Variants in CCDC196 observed in about 807,000 individuals in gnomAD.
The protein encoded by CCDC196 is coiled-coil domain containing 196.
At chr14:66,490,126 T>C (rs1390480915) in intron 4 of CCDC196, among the ~76,000 whole-genome samples, 1 of 152,202 alleles carries the variant, frequency 6.6e-6, no homozygotes, top group Non-Finnish European at 1.5e-5. Context: ...TTCCAGAAGT[T>C]TTAGTTCCTG....
chr14:66,496,983 T>A (rs1188322264), intron 8 of CCDC196: 2 of 152,252 alleles, frequency 1.3e-5, no homozygotes, highest in Non-Finnish European at 2.9e-5. Flanking sequence ...CAAGTCATTC[T>A]TCCTGGCTTT....
At chr14:66,492,315 T>A (rs1012009407) in intron 8 of CCDC196, 121 bp downstream of exon 8, 3 of 396,068 alleles carry the variant, frequency 7.6e-6, no homozygotes, top group Non-Finnish European at 1.3e-5. Context: ...ATGTTAGTAG[T>A]ACAGTAATTA....
chr14:66,490,350 T>G (rs889654343), intron 4 of CCDC196, among the ~76,000 whole-genome samples: 5 of 152,236 alleles, frequency 3.3e-5, no homozygotes, highest in African/African-American at 1.2e-4. Context: ...CTTTCCTAGT[T>G]GTGTAACCCT....
intron 2 of CCDC196, among the ~76,000 whole-genome samples, chr14:66,487,765 G>T (rs1420349164): frequency 6.6e-6 from 1 of 152,090 alleles, no homozygotes; most frequent in African/African-American, 2.4e-5. Context: ...GACAGAGATG[G>T]GTTAGGAAAT....
At chr14:66,494,560 T>C (rs1464132373) in intron 8 of CCDC196, 1 of 152,226 alleles carries the variant, frequency 6.6e-6, no homozygotes, top group Non-Finnish European at 1.5e-5. Context: ...CCTAAATGCA[T>C]TCCTTGAAAA....
At position 66,490,808 on chromosome 14, in the gene CCDC196, C is replaced by A; in HGVS notation, c.418C>A (p.Gln140Lys). 1 of 399,726 alleles carries A rather than the reference C, an allele frequency of 2.5e-6. No individual in the cohort carries two copies. The highest frequency in any genetic ancestry group is 4.4e-6 in the Non-Finnish European group (1 of 226,138). 24.8% of individuals were successfully genotyped at this position (399,726 alleles called of 1,614,324 possible). The change falls in exon 5 of 10, where the codon CAG (glutamine) becomes AAG (lysine). Residue 140 changes from glutamine to lysine, a missense_variant. By Grantham distance (53) the Gln-to-Lys change is moderately conservative. Transcript: ENST00000636229. ...APQTKNKADL[Q>K]DGKAPKSPSS... The stretch of plus-strand genomic sequence containing the variant: ...ACAGACAAAAAACAAGGCAGACTTG[C>A]AGGATGGAAAGGCAAGTGGACTGCA...
At chr14:66,487,728 C>A (rs2057440808) in intron 2 of CCDC196, among the ~76,000 whole-genome samples, 1 of 152,072 alleles carries the variant, frequency 6.6e-6, no homozygotes, top group African/African-American at 2.4e-5. Context: ...TAGGAAGAAG[C>A]AAGGAAGTGG....
chr14:66,494,202 T>C (rs2057609058), intron 8 of CCDC196, among the ~76,000 whole-genome samples: 1 of 152,216 alleles, frequency 6.6e-6, no homozygotes, highest in Non-Finnish European at 1.5e-5. Context: ...TGGATCAATG[T>C]GTTAAATTGA....
intron 8 of CCDC196, chr14:66,496,577 T>C: frequency 8.7e-6 from 3 of 346,030 alleles, no homozygotes; most frequent in Non-Finnish European, 1.7e-5. Context: ...AATTATAATT[T>C]GATTCAGGGT....
intron 8 of CCDC196, 145 bp downstream of exon 8, chr14:66,492,339 C>CTTTTT: frequency 3.4e-6 from 1 of 298,418 alleles, no homozygotes; most frequent in Non-Finnish European, 6.0e-6. Context: ...TTTTCATTAT[C>CTTTTT]TTTTTTTTTT....
rs546865486 is a variant in CCDC196, at chr14:66,488,789, GT to G, written c.301-188del. 1.1e-4 allele frequency among the ~76,000 whole-genome samples: 17 copies of G among 148,612 alleles called. No individual in the cohort carries two copies. The South Asian group carries it at 1.9e-3, about 17-fold the overall frequency. ...AGTTATTACTTAAAACAATAACTTG[GT>G]TTTTTTTTTACCATCATCATCATCA... On this transcript the variant is annotated intron_variant, in intron 3 of 9. Coordinates refer to ENST00000636229, the MANE Select transcript of CCDC196 (RefSeq NM_001351576.1).
At chr14:66,490,873 G>A in intron 5 of CCDC196, 54 bp downstream of exon 5, 1 of 406,050 alleles carries the variant, frequency 2.5e-6, no homozygotes. Context: ...CACACAGCTG[G>A]AAACAGCCTG....
Position 66,491,973 on chromosome 14 carries a change from T to C in CCDC196, c.574-80T>C, listed in dbSNP as rs2057549903. On this transcript the variant is annotated intron_variant, in intron 7 of 9. Transcript: ENST00000636229. Reference sequence around the variant, plus strand: ...CATGATGGAATTACTTTTTAACTTCTGGGTAAAGAGGATTCAGGTAACAAT... The same window carrying C: ...CATGATGGAATTACTTTTTAACTTCCGGGTAAAGAGGATTCAGGTAACAAT... 7.3e-6 allele frequency: 3 copies of C among 410,008 alleles called. No individual in the cohort carries two copies. In the East Asian group the frequency reaches 1.1e-4, roughly 15 times the overall value. The allele number at this position is 410,008 out of a possible 1,614,324, so 25.4% of individuals were successfully genotyped here.
At chr14:66,489,110 CCCCAT>C in intron 4 of CCDC196, 73 bp downstream of exon 4, 1 of 412,484 alleles carries the variant, frequency 2.4e-6, no homozygotes, top group East Asian at 3.6e-5. Context: ...TTCCTCTGGC[CCCCAT>C]CCTCATTGTT....
intron 1 of CCDC196, 24 bp from the exon 2 acceptor site, chr14:66,486,633 A>ATATTATTG: frequency 2.4e-6 from 1 of 413,468 alleles, no homozygotes; most frequent in African/African-American, 2.1e-5. Flanking sequence ...CTAAAGGCAG[A>ATATTATTG]TATTATTGTG....
chr14:66,493,306 C>T (rs779420173), intron 8 of CCDC196, among the ~76,000 whole-genome samples: 16 of 152,122 alleles, frequency 1.1e-4, no homozygotes, highest in South Asian at 2.1e-4. Context: ...GAGTACTGTA[C>T]AGCTGGCAGA....
At chr14:66,486,590 G>GTCTC (rs10569333) in intron 1 of CCDC196, 38 bp downstream of exon 1, 197 of 409,356 alleles carry the variant, frequency 4.8e-4, no homozygotes, top group Non-Finnish European at 6.9e-4. Context: ...AGAAAAGAGG[G>GTCTC]TCTCTCTCTC....
intron 8 of CCDC196, among the ~76,000 whole-genome samples, chr14:66,493,212 C>T (rs2057583073): frequency 6.6e-6 from 1 of 152,068 alleles, no homozygotes; most frequent in Non-Finnish European, 1.5e-5. Flanking sequence ...ACAGTCAACA[C>T]ATAGGGTTAA....
intron 8 of CCDC196, 145 bp downstream of exon 8, chr14:66,492,339 C>CAT (rs1555366053): frequency 1.4e-3 from 427 of 298,652 alleles, no homozygotes; most frequent in Middle Eastern, 2.6e-3. Flanking sequence ...TTTTCATTAT[C>CAT]TTTTTTTTTT....
Sources: allele counts gnomAD v4.1 joint callset (sites outside exome capture counted in the v4.1 genomes callset), GRCh38; gene constraint gnomAD v4.1.1; transcripts MANE v1.5; gene names NCBI Gene and HGNC (gene_info 2026-07-23, HGNC 2026-07-21).